The following LRRC31 variants were observed in gnomAD, a reference collection of about 807,000 sequenced individuals.
The protein encoded by LRRC31 is leucine-rich repeat-containing protein 31.
A neutral mutation model predicts 46.7 loss-of-function variants in LRRC31; 35 were observed. The observed-to-expected ratio is 0.75, with a 90% CI of 0.57 to 0.99. The LOEUF (loss-of-function observed/expected upper bound fraction) is 0.99, where lower values mean the gene tolerates loss of function less well. LRRC31 is among the 50% of genes least tolerant of loss of function. The pLI, the probability that LRRC31 is intolerant of heterozygous loss-of-function variation, is 0.00. For synonymous variants in LRRC31, 236 were observed against 235.1 expected, an observed-to-expected ratio of 1.00 and a Z score of -0.03; for missense variants, 613 against 626.1, an observed-to-expected ratio of 0.98 and a Z score of 0.22.
rs1196211646 is a variant in LRRC31, at chr3:169,852,418, A to C, written c.992-632T>G. Among the ~76,000 whole-genome samples, 11 of 150,924 alleles carry C rather than the reference A, an allele frequency of 7.3e-5. No individual in the cohort carries two copies. The East Asian group carries it at 1.7e-3, about 24-fold the overall frequency. On this transcript the variant is annotated intron_variant, in intron 6 of 8. Coordinates refer to ENST00000316428, the MANE Select transcript of LRRC31 (RefSeq NM_024727.4). ...ACTCCGTCTCAAAAAAAAAAAAAAA[A>C]AAAAAAAAAAAAACTCTTAGCCTTC...
chr3:169,867,846 A>C (rs1781378875), intron 1 of LRRC31, among the ~76,000 whole-genome samples: 2 of 152,172 alleles, frequency 1.3e-5, no homozygotes, highest in Non-Finnish European at 2.9e-5. Flanking sequence ...TTGAATTTGC[A>C]ATCCCTGTTC....
rs1780778283 is a variant in LRRC31, at chr3:169,851,757, G to A, written c.1021C>T (p.Gln341Ter). 1.2e-6 allele frequency: 2 copies of A among 1,614,116 alleles called. No homozygotes were observed. The highest frequency in any genetic ancestry group is 4.5e-5 in the East Asian group (2 of 44,880). ...TQVIPLLSNL[Q>*]ELDLSANKKM... ...TTGTTGGCTGATAAATCCAATTCTTGAAGATTTGAAAGTAAAGGAATGACC... is the reference window on the plus strand; with the variant it reads ...TTGTTGGCTGATAAATCCAATTCTTAAAGATTTGAAAGTAAAGGAATGACC... Residue 341 changes from glutamine to a stop codon, truncating the protein, a stop_gained, in exon 7 of 9, where the codon CAA (glutamine) becomes TAA (stop). Coordinates refer to ENST00000316428, the MANE Select transcript of LRRC31 (RefSeq NM_024727.4). LOFTEE classifies it high-confidence loss of function.
At chr3:169,850,328 G>GAGTATTTTGCTCAGCTCC (rs1780720125) in intron 7 of LRRC31, among the ~76,000 whole-genome samples, 2 of 152,000 alleles carry the variant, frequency 1.3e-5, no homozygotes, top group East Asian at 1.9e-4. Flanking sequence ...TGCTCAGCTC[G>GAGTATTTTGCTCAGCTCC]CATAGACTTG....
intron 1 of LRRC31, among the ~76,000 whole-genome samples, chr3:169,866,048 A>G (rs955023453): frequency 2.0e-5 from 3 of 152,186 alleles, no homozygotes; most frequent in Admixed American, 6.5e-5. Context: ...CCAATATCCA[A>G]CTGATCACTA....
intron 1 of LRRC31, among the ~76,000 whole-genome samples, chr3:169,863,912 C>T (rs192069446): frequency 6.6e-6 from 1 of 151,912 alleles, no homozygotes; most frequent in African/African-American, 2.4e-5. Flanking sequence ...AGTCACAAAC[C>T]ATTTCATAGA....
chr3:169,861,693 G>C lies in LRRC31; in HGVS notation c.296C>G (p.Thr99Arg), dbSNP rs747079261. Residue 99 changes from threonine to arginine, a missense_variant, in exon 2 of 9, where the codon ACA becomes AGA. By Grantham distance (71) the Thr-to-Arg change is moderately conservative. Coordinates refer to ENST00000316428, the MANE Select transcript of LRRC31 (RefSeq NM_024727.4). ...KCLDLNNCGLTTADMKEMVAL... is the reference protein window; with the variant it reads ...KCLDLNNCGLRTADMKEMVAL... ...ACCCATTTCTTTCATGTCCGCTGTT[G>C]TTAATCCACAGTTATTCAAATCTAG... is the stretch of plus-strand genomic sequence containing the variant. 1 of 1,614,034 alleles carries C rather than the reference G, an allele frequency of 6.2e-7. No individual in the cohort carries two copies. Among genetic ancestry groups the C allele is most frequent in the Non-Finnish European group, 8.5e-7 (1 of 1,179,998 alleles).
chr3:169,850,172 T>C (rs1455626949), intron 7 of LRRC31, among the ~76,000 whole-genome samples: 2 of 152,204 alleles, frequency 1.3e-5, no homozygotes, highest in Non-Finnish European at 2.9e-5. Context: ...TTCATAAAAA[T>C]GAGTAATTAT....
intron 1 of LRRC31, among the ~76,000 whole-genome samples, chr3:169,864,814 T>G (rs1010152724): frequency 6.6e-6 from 1 of 152,206 alleles, no homozygotes; most frequent in African/African-American, 2.4e-5. Flanking sequence ...CAGTGGCTCA[T>G]GCCTGTGATC....
intron 5 of LRRC31, among the ~76,000 whole-genome samples, chr3:169,855,564 T>C (rs1240077848): frequency 6.6e-6 from 1 of 152,228 alleles, no homozygotes; most frequent in Non-Finnish European, 1.5e-5. Flanking sequence ...CCAGTGAATA[T>C]TACAGGTTCT....
At chr3:169,856,621 C>T in intron 4 of LRRC31, 84 bp downstream of exon 4, 2 of 1,424,736 alleles carry the variant, frequency 1.4e-6, no homozygotes, top group Non-Finnish European at 1.9e-6. Flanking sequence ...TCTTTAAATT[C>T]AGAATAAGAC....
chr3:169,851,552 C>A, intron 7 of LRRC31, 67 bp downstream of exon 7: 1 of 1,460,336 alleles, frequency 6.8e-7, no homozygotes, highest in Non-Finnish European at 9.3e-7. Context: ...GAATGAAATG[C>A]AGGGAAAAAG....
chr3:169,840,873 T>C lies in LRRC31; in HGVS notation c.1328-560A>G, dbSNP rs1780427410. Among the ~76,000 whole-genome samples, 3 of 152,216 alleles carry C rather than the reference T, an allele frequency of 2.0e-5. No individual in the cohort carries two copies. The South Asian group carries it at 6.2e-4, about 31-fold the overall frequency. ...CTTAAAAATGATGACTAATGTACAATCTGAGCTATTTGATCAGAAAATAAA... is the reference window on the plus strand; with the variant it reads ...CTTAAAAATGATGACTAATGTACAACCTGAGCTATTTGATCAGAAAATAAA... On this transcript the variant is annotated intron_variant, in intron 8 of 8. Coordinates refer to ENST00000316428, the MANE Select transcript of LRRC31 (RefSeq NM_024727.4).
At chr3:169,862,102 A>T (rs1431771611) in intron 1 of LRRC31, among the ~76,000 whole-genome samples, 1 of 152,184 alleles carries the variant, frequency 6.6e-6, no homozygotes, top group Non-Finnish European at 1.5e-5. Flanking sequence ...CTGGGTGAGA[A>T]GTAAACCTGT....
intron 3 of LRRC31, among the ~76,000 whole-genome samples, chr3:169,859,279 G>A (rs1281324919): frequency 1.6e-5 from 2 of 124,668 alleles, no homozygotes; most frequent in African/African-American, 6.0e-5. Flanking sequence ...TGGGTGACAA[G>A]AATGAAACAC....
rs1207858523 is a variant in LRRC31 at position 169,851,713 on chromosome 3, A to T, written c.1065T>A (p.Ser355=). The change falls in exon 7 of 9, where the codon TCT becomes TCA. Residue 355 remains serine (S), a synonymous_variant. Coordinates refer to ENST00000316428, the MANE Select transcript of LRRC31 (RefSeq NM_024727.4). ...LSANKKMGSS[S]ENLLSRLRFL... ...ATCGGAGCCTGCTGAGTAAGTTTTC[A>T]GAAGAACTGCCCATCTTTTTGTTGG... is the stretch of plus-strand genomic sequence containing the variant. The T allele has an allele frequency of 1.2e-6, 2 of 1,614,058 alleles. No individual in the cohort carries two copies. The highest frequency in any genetic ancestry group is 4.5e-5 in the East Asian group (2 of 44,892).
At chr3:169,865,975 CG>C (rs985645764) in intron 1 of LRRC31, among the ~76,000 whole-genome samples, 1 of 151,924 alleles carries the variant, frequency 6.6e-6, no homozygotes, top group African/African-American at 2.4e-5. Flanking sequence ...GAGGGCCACA[CG>C]TAGAGGATGA....
In LRRC31 at chr3:169,854,707, T is replaced by C. The variant is rs569237041; in HGVS notation, c.991+106A>G. 5.3e-5 allele frequency: 46 copies of C among 864,006 alleles called. No individual in the cohort carries two copies. The South Asian group carries it at 6.9e-4, about 13-fold the overall frequency. The allele number at this position is 864,006 out of a possible 1,614,324, so 53.5% of individuals were successfully genotyped here. A position where few individuals can be genotyped will look rare whatever the true frequency, so the allele number is the denominator to read the frequency against. The stretch of plus-strand genomic sequence containing the variant: ...AACTGTTATGAATTGATCTTTCCAA[T>C]AACTTCAAAAGAAGTAAATTTAAGT... On this transcript the variant is annotated intron_variant, in intron 6 of 8. Coordinates refer to ENST00000316428, the MANE Select transcript of LRRC31 (RefSeq NM_024727.4).
Position 169,860,702 on chromosome 3 carries a change from A to G in LRRC31, c.346T>C (p.Leu116=). 1 of 1,614,108 alleles carries G rather than the reference A, an allele frequency of 6.2e-7. No individual in the cohort carries two copies. The highest frequency in any genetic ancestry group is 1.1e-5 in the South Asian group (1 of 91,086). ...MVALLPFLPD[L]EELDISWNGF... ...TTCCAGGAGATATCCAGTTCTTCCA[A>G]GTCTGGGAGAAAAGGCAGCAAGGCA... Residue 116 remains leucine, a synonymous_variant, in exon 3 of 9, where the codon TTG becomes CTG. Coordinates refer to ENST00000316428, the MANE Select transcript of LRRC31 (RefSeq NM_024727.4).
intron 3 of LRRC31, among the ~76,000 whole-genome samples, chr3:169,857,415 C>CATATATACATATATATATATAT (rs144038208): frequency 0.021 from 2,051 of 98,472 alleles, 112 homozygotes; most frequent in Middle Eastern, 0.042. Context: ...TATACATATA[C>CATATATACATATATATATATAT]ATATATATAT....
Sources: gnomAD v4.1 joint callset for allele counts (sites outside exome capture counted in the v4.1 genomes callset) on GRCh38, gnomAD v4.1.1 for gene constraint, MANE v1.5 for transcripts, NCBI Gene and HGNC (gene_info 2026-07-23, HGNC 2026-07-21) for gene names.